Variants in NLRP5 observed in about 807,000 individuals in gnomAD.
NLRP5 encodes NACHT, LRR and PYD domains-containing protein 5.
NLRP5 carries 93 observed loss-of-function variants against 113.1 expected under a neutral mutation model. The ratio of observed to expected loss-of-function variants is 0.82; its 90% confidence interval spans 0.70 to 0.98. The LOEUF (loss-of-function observed/expected upper bound fraction) is 0.98, where lower values mean the gene tolerates loss of function less well. Among genes scored for constraint, NLRP5 ranks in the 50% least tolerant of loss-of-function variants. The pLI is 0.00. For missense variants in NLRP5, 1,808 were observed against 1,514.3 expected (o/e 1.19, Z -3.22); for synonymous variants, 751 against 600.7 (o/e 1.25, Z -3.66).
chr19:56,027,093 A>T lies in NLRP5; in HGVS notation c.860A>T (p.Lys287Met). 6.4e-7 allele frequency: 1 copy of T among 1,570,018 alleles called. No individual in the cohort carries two copies. Among genetic ancestry groups the T allele is most frequent in the Non-Finnish European group, 8.6e-7 (1 of 1,157,650 alleles). Residue 287 changes from lysine (K) to methionine (M), a missense_variant, in exon 7 of 15, where the codon AAG (lysine) becomes ATG (methionine). Transcript: ENST00000390649. Reference sequence around the variant, plus strand: ...CCTCGCACGGTGGTTCTGCACGGAAAGTCAGGAATTGGGAAATCGGCTCTA... The same window carrying T: ...CCTCGCACGGTGGTTCTGCACGGAATGTCAGGAATTGGGAAATCGGCTCTA...
rs563594357 is a variant in NLRP5 at position 56,055,808 on chromosome 19, G to C, written c.3299+2000G>C. ...GATCTGCCCGCCTTGGCCTCCCAAA[G>C]TGCTGGGATTACAGGCATAAGCCAC... On this transcript the variant is annotated intron_variant, in intron 13 of 14. Coordinates refer to ENST00000390649, the MANE Select transcript of NLRP5 (RefSeq NM_153447.4). 1.2e-4 allele frequency among the ~76,000 whole-genome samples: 19 copies of C among 152,116 alleles called. No homozygotes were observed. The East Asian group carries it at 3.7e-3, about 29-fold the overall frequency.
intron 7 of NLRP5, among the ~76,000 whole-genome samples, chr19:56,030,603 C>T (rs182263093): frequency 8.5e-5 from 13 of 152,074 alleles, no homozygotes; most frequent in South Asian, 6.2e-4. Flanking sequence ...TGAAAACGTG[C>T]GCAGCCACAG....
chr19:56,034,357 G>A (rs1170969704), intron 9 of NLRP5, among the ~76,000 whole-genome samples: 1 of 152,222 alleles, frequency 6.6e-6, no homozygotes, highest in African/African-American at 2.4e-5. Flanking sequence ...CTGCACTCCA[G>A]CCTGGGCAAC....
chr19:56,037,269 C>G (rs1453655617), intron 9 of NLRP5, among the ~76,000 whole-genome samples: 1 of 152,142 alleles, frequency 6.6e-6, no homozygotes, highest in Admixed American at 6.6e-5. Flanking sequence ...CTCGAGTGCC[C>G]TTTGTGTACC....
At chr19:56,025,678 G>C (rs1161479959) in intron 6 of NLRP5, among the ~76,000 whole-genome samples, 1 of 151,950 alleles carries the variant, frequency 6.6e-6, no homozygotes, top group African/African-American at 2.4e-5. Flanking sequence ...CCAAAGTGCT[G>C]GGATTACAGG....
At chr19:56,004,575 C>T (rs111470488) in intron 2 of NLRP5, among the ~76,000 whole-genome samples, 6 of 152,178 alleles carry the variant, frequency 3.9e-5, no homozygotes, top group South Asian at 2.1e-4. Context: ...CGTGCTTGGC[C>T]GTGGGATGAA....
At chr19:56,054,050 G>A (rs1039058897) in intron 13 of NLRP5, among the ~76,000 whole-genome samples, 21 of 152,272 alleles carry the variant, frequency 1.4e-4, no homozygotes, top group Middle Eastern at 3.4e-3. Flanking sequence ...CTCAACTGCC[G>A]ATTGAACGAC....
intron 2 of NLRP5, among the ~76,000 whole-genome samples, chr19:56,006,665 G>A (rs1309407654): frequency 1.3e-5 from 2 of 152,056 alleles, no homozygotes; most frequent in African/African-American, 2.4e-5. Flanking sequence ...CCGGGAGGTA[G>A]AGGTTGCAGT....
At chr19:55,994,414 G>A in the NLRP5 span, among the ~76,000 whole-genome samples, 1 of 149,776 alleles carries the variant, frequency 6.7e-6, no homozygotes, top group East Asian at 1.9e-4. Context: ...TTTTTTGGGA[G>A]GGGGGACAGA....
the NLRP5 span, among the ~76,000 whole-genome samples, chr19:55,986,804 T>A: frequency 0.56 from 84,891 of 151,876 alleles, 23,922 homozygotes; most frequent in African/African-American, 0.63. Context: ...CTGCTCTTGG[T>A]GGTGAGGTGT....
At chr19:55,990,079 C>CTTTTCTTTTCTTTTTTT in the NLRP5 span, among the ~76,000 whole-genome samples, 2 of 95,958 alleles carry the variant, frequency 2.1e-5, no homozygotes, top group Admixed American at 1.3e-4. Flanking sequence ...TTTCTTTTTT[C>CTTTTCTTTTCTTTTTTT]TTTTTTTTTT....
At chr19:56,060,697 C>T (rs1244654826) in intron 14 of NLRP5, among the ~76,000 whole-genome samples, 1 of 151,660 alleles carries the variant, frequency 6.6e-6, no homozygotes, top group East Asian at 2.0e-4. Flanking sequence ...AAAAGCTCAG[C>T]ATAGTATCTG....
intron 3 of NLRP5, among the ~76,000 whole-genome samples, chr19:56,013,414 G>A (rs1251869399): frequency 6.6e-6 from 1 of 151,630 alleles, no homozygotes; most frequent in Non-Finnish European, 1.5e-5. Flanking sequence ...AAATTGTCTC[G>A]ATATCCTGAC....
intron 2 of NLRP5, among the ~76,000 whole-genome samples, chr19:56,008,220 G>A (rs138935282): frequency 0.011 from 1,665 of 152,100 alleles, 70 homozygotes; most frequent in Admixed American, 0.078. Flanking sequence ...GAGCCACCGC[G>A]CCTGGCCACA....
intron 7 of NLRP5, among the ~76,000 whole-genome samples, chr19:56,029,504 G>A (rs2123308198): frequency 6.6e-6 from 1 of 152,116 alleles, no homozygotes; most frequent in Middle Eastern, 3.4e-3. Context: ...GACCTCAGGT[G>A]AGCCACCTGC....
chr19:55,987,456 G>C, the NLRP5 span, among the ~76,000 whole-genome samples: 1 of 152,362 alleles, frequency 6.6e-6, no homozygotes, highest in African/African-American at 2.4e-5. Context: ...TAGGAGTCCA[G>C]AGGGTGTTTT....
chr19:55,993,897 A>G, the NLRP5 span, among the ~76,000 whole-genome samples: 3 of 151,642 alleles, frequency 2.0e-5, no homozygotes, highest in Non-Finnish European at 4.4e-5. Context: ...GTTGATGGAC[A>G]GTTAGGTAGA....
intron 2 of NLRP5, 36 bp from the exon 3 acceptor site, chr19:56,008,752 C>T: frequency 5.1e-6 from 8 of 1,563,434 alleles, no homozygotes; most frequent in Non-Finnish European, 7.0e-6. Context: ...ACAGTGACTT[C>T]ATTGAGGCCA....
intron 11 of NLRP5, among the ~76,000 whole-genome samples, chr19:56,044,545 TG>T (rs1983650859): frequency 6.6e-6 from 1 of 152,182 alleles, no homozygotes; most frequent in South Asian, 2.1e-4. Flanking sequence ...GGTTTATTTC[TG>T]GGTTCTCTAT....
Sources: gnomAD v4.1 joint callset for allele counts (sites outside exome capture counted in the v4.1 genomes callset) on GRCh38, gnomAD v4.1.1 for gene constraint, MANE v1.5 for transcripts, NCBI Gene and HGNC (gene_info 2026-07-23, HGNC 2026-07-21) for gene names.